The following ADCY1 variants were observed in gnomAD, a reference collection of about 807,000 sequenced individuals.
ADCY1 encodes adenylate cyclase 1.
A neutral mutation model predicts 105.4 loss-of-function variants in ADCY1; 28 were observed. The ratio of observed to expected loss-of-function variants is 0.27; its 90% confidence interval spans 0.20 to 0.36. The LOEUF is 0.36. ADCY1 is among the 10% of genes least tolerant of loss of function. ADCY1 has a pLI of 1.00. For synonymous variants in ADCY1, 655 were observed against 623.8 expected, an observed-to-expected ratio of 1.05 and a Z score of -0.75; for missense variants, 977 against 1,434.2, an observed-to-expected ratio of 0.68 and a Z score of 5.15.
chr7:45,699,542 G>T (rs1009785834), intron 14 of ADCY1, among the ~76,000 whole-genome samples: 1 of 151,824 alleles, frequency 6.6e-6, no homozygotes, highest in African/African-American at 2.4e-5. Context: ...GCAGCCTCCC[G>T]AGCAGCCAGG....
At chr7:45,631,365 T>C (rs1471337878) in intron 4 of ADCY1, among the ~76,000 whole-genome samples, 5 of 152,256 alleles carry the variant, frequency 3.3e-5, no homozygotes. Context: ...GGATTCCATT[T>C]TAACTCTGCA....
chr7:45,672,840 T>C (rs1424334348), intron 8 of ADCY1, among the ~76,000 whole-genome samples: 1 of 152,168 alleles, frequency 6.6e-6, no homozygotes, highest in Non-Finnish European at 1.5e-5. Context: ...TTTTTAGCAC[T>C]ATGCTGCATG....
intron 3 of ADCY1, among the ~76,000 whole-genome samples, chr7:45,616,601 T>A (rs568431496): frequency 6.6e-6 from 1 of 152,298 alleles, no homozygotes; most frequent in East Asian, 1.9e-4. Context: ...GAAAAATATT[T>A]GACAAAATTT....
At chr7:45,596,044 T>C (rs1289734703) in intron 2 of ADCY1, among the ~76,000 whole-genome samples, 1 of 152,226 alleles carries the variant, frequency 6.6e-6, no homozygotes, top group Non-Finnish European at 1.5e-5. Context: ...GTCTCTCAGC[T>C]ACACAGGCAC....
At chr7:45,666,755 G>A (rs987358949) in intron 8 of ADCY1, among the ~76,000 whole-genome samples, 1 of 152,200 alleles carries the variant, frequency 6.6e-6, no homozygotes, top group Non-Finnish European at 1.5e-5. Context: ...CAGTGTAAAA[G>A]TGTTCCTATT....
intron 1 of ADCY1, among the ~76,000 whole-genome samples, chr7:45,576,594 A>C (rs929099522): frequency 6.6e-6 from 1 of 152,118 alleles, no homozygotes; most frequent in Admixed American, 6.5e-5. Flanking sequence ...AGAGGACTTC[A>C]TGTCCTGGAG....
At chr7:45,665,359 C>T (rs1285026564) in intron 8 of ADCY1, among the ~76,000 whole-genome samples, 2 of 152,168 alleles carry the variant, frequency 1.3e-5, no homozygotes, top group Non-Finnish European at 2.9e-5. Flanking sequence ...TAGTTACGCT[C>T]ATCGCCCACT....
At chr7:45,706,512 A>AAAAAAAAAAG (rs1554332713) in intron 17 of ADCY1, among the ~76,000 whole-genome samples, 15 of 135,490 alleles carry the variant, frequency 1.1e-4, no homozygotes, top group Non-Finnish European at 1.4e-4. Context: ...AAAAAAAAAA[A>AAAAAAAAAAG]AGAATATAGA....
At chr7:45,677,286 T>G (rs1036478122) in intron 8 of ADCY1, among the ~76,000 whole-genome samples, 3 of 152,210 alleles carry the variant, frequency 2.0e-5, no homozygotes, top group Non-Finnish European at 4.4e-5. Flanking sequence ...AGAGGTTCTG[T>G]TTATGAAGCA....
At chr7:45,674,018 GTT>G (rs1307318080) in intron 8 of ADCY1, among the ~76,000 whole-genome samples, 1 of 80,712 alleles carries the variant, frequency 1.2e-5, no homozygotes. Flanking sequence ...TGTTTTTGTT[GTT>G]TTTTTTTTTT....
intron 4 of ADCY1, among the ~76,000 whole-genome samples, chr7:45,645,154 A>G (rs532782848): frequency 2.6e-5 from 4 of 152,152 alleles, no homozygotes; most frequent in Admixed American, 2.0e-4. Flanking sequence ...CCACATGACC[A>G]TGTGCATGTG....
At chr7:45,654,980 C>G (rs1265322407) in intron 5 of ADCY1, among the ~76,000 whole-genome samples, 1 of 152,188 alleles carries the variant, frequency 6.6e-6, no homozygotes, top group Admixed American at 6.5e-5. Flanking sequence ...TTGGAGGCTG[C>G]TGCAGGCGTG....
intron 8 of ADCY1, among the ~76,000 whole-genome samples, chr7:45,670,112 C>G (rs537881691): frequency 1.8e-4 from 28 of 152,280 alleles, no homozygotes; most frequent in Admixed American, 3.3e-4. Flanking sequence ...GATGCTTAGC[C>G]TGGTGGTTCC....
intron 5 of ADCY1, among the ~76,000 whole-genome samples, chr7:45,650,485 T>A (rs1794782067): frequency 1.3e-5 from 2 of 152,104 alleles, no homozygotes; most frequent in Admixed American, 1.3e-4. Context: ...TTAGTAAATA[T>A]TTGTGAAGCC....
At chr7:45,634,998 T>C (rs1165117566) in intron 4 of ADCY1, among the ~76,000 whole-genome samples, 1 of 152,208 alleles carries the variant, frequency 6.6e-6, no homozygotes, top group East Asian at 1.9e-4. Flanking sequence ...TTTTTTGGAA[T>C]AGTTTTTGTA....
At chr7:45,699,137 C>G (rs1015986367) in intron 14 of ADCY1, among the ~76,000 whole-genome samples, 1 of 152,172 alleles carries the variant, frequency 6.6e-6, no homozygotes, top group African/African-American at 2.4e-5. Flanking sequence ...CTGGGCTCAG[C>G]CTGGACATCC....
rs1286966849 is a variant in ADCY1 at position 45,718,882 on chromosome 7, T to TGGGCTCAGC, written c.*4888_*4896dup. ...AGGGTAGACTTTGAGGAAGGCTCAG[T>TGGGCTCAGC]GGGCTCAGCAGAAGGAAGGCTCTTC... On this transcript the variant is annotated 3_prime_UTR_variant, in exon 20 of 20. Transcript: ENST00000297323. The TGGGCTCAGC allele has an allele frequency of 6.5e-6, 1 of 152,754 alleles. No individual in the cohort carries two copies. The highest frequency in any genetic ancestry group is 1.5e-5 in the Non-Finnish European group (1 of 68,196). 9.5% of individuals were successfully genotyped at this position (152,754 alleles called of 1,614,324 possible).
intron 14 of ADCY1, among the ~76,000 whole-genome samples, chr7:45,689,351 A>G (rs1042937262): frequency 6.6e-6 from 1 of 152,206 alleles, no homozygotes; most frequent in Admixed American, 6.5e-5. Flanking sequence ...TATAAAGAAA[A>G]GAGGTTTAAT....
At chr7:45,711,962 T>TATAAATACATATTATATTAA (rs1562736047) in intron 19 of ADCY1, among the ~76,000 whole-genome samples, 27 of 87,860 alleles carry the variant, frequency 3.1e-4, no homozygotes, top group Admixed American at 1.2e-3. Context: ...ATATTAAATA[T>TATAAATACATATTATATTAA]ATAAATACAT....
Sources: gnomAD v4.1 joint callset for allele counts (sites outside exome capture counted in the v4.1 genomes callset) on GRCh38, gnomAD v4.1.1 for gene constraint, MANE v1.5 for transcripts, NCBI Gene and HGNC (gene_info 2026-07-23, HGNC 2026-07-21) for gene names.